The following NFIB variants were observed in gnomAD, a reference collection of about 807,000 sequenced individuals.
The protein encoded by NFIB is nuclear factor 1 B-type.
A neutral mutation model predicts 61.5 loss-of-function variants in NFIB; 11 were observed. The ratio of observed to expected loss-of-function variants is 0.18; its 90% CI spans 0.11 to 0.30. NFIB has a LOEUF of 0.30. Among genes scored for constraint, NFIB ranks in the 10% least tolerant of loss-of-function variants. The pLI is 1.00. For missense variants in NFIB, 471 were observed against 608.9 expected (o/e 0.77, Z 2.38); for synonymous variants, 260 against 216.5 (o/e 1.20, Z -1.76).
chr9:14,165,468 T>C (rs1206496017), intron 3 of NFIB, among the ~76,000 whole-genome samples: 2 of 152,200 alleles, frequency 1.3e-5, no homozygotes. Context: ...GTTTATTCCA[T>C]GAATGAGTGC....
At chr9:14,515,606 T>G in the NFIB span, among the ~76,000 whole-genome samples, 6 of 152,148 alleles carry the variant, frequency 3.9e-5, no homozygotes, top group Admixed American at 6.5e-5. Flanking sequence ...CCCAGGAATG[T>G]GAGTTTGTGA....
rs914781802 is a variant in NFIB at position 14,084,917 on chromosome 9, G to A, written c.*3392C>T. ...CTAGGCCTTTGTATTCAAGAGGCAG[G>A]CAGGAATACCCACAGTGTGTAACTT... is the stretch of plus-strand genomic sequence containing the variant. On this transcript the variant is annotated 3_prime_UTR_variant, in exon 11 of 11. Coordinates refer to ENST00000380953, the MANE Select transcript of NFIB (RefSeq NM_001190737.2). 7 of 230,596 alleles carry A rather than the reference G, an allele frequency of 3.0e-5. No individual in the cohort carries two copies. The highest frequency in any genetic ancestry group is 4.4e-5 in the African/African-American group (2 of 45,148). 14.3% of individuals were successfully genotyped at this position (230,596 alleles called of 1,614,324 possible).
At chr9:14,395,581 C>T (rs554917030) in intron 1 of NFIB, among the ~76,000 whole-genome samples, 6 of 152,060 alleles carry the variant, frequency 3.9e-5, no homozygotes, top group African/African-American at 9.6e-5. Context: ...AAATGTAAGC[C>T]GGCCCCGATC....
At chr9:14,222,726 C>T (rs374204537) in intron 2 of NFIB, among the ~76,000 whole-genome samples, 3 of 141,136 alleles carry the variant, frequency 2.1e-5, no homozygotes, top group African/African-American at 8.0e-5. Context: ...GCCCTGGGAA[C>T]TCAAGGCTAC....
At chr9:14,175,660 CA>C (rs1335915271) in intron 3 of NFIB, among the ~76,000 whole-genome samples, 1 of 152,132 alleles carries the variant, frequency 6.6e-6, no homozygotes, top group East Asian at 1.9e-4. Flanking sequence ...ACACTACATG[CA>C]TAAGTCAACA....
At chr9:14,256,873 C>G (rs2056267241) in intron 2 of NFIB, among the ~76,000 whole-genome samples, 1 of 152,180 alleles carries the variant, frequency 6.6e-6, no homozygotes, top group Admixed American at 6.5e-5. Context: ...GAAATAGAAC[C>G]AGGAACTGAG....
At chr9:14,111,215 A>G (rs2037316459) in intron 10 of NFIB, among the ~76,000 whole-genome samples, 1 of 152,142 alleles carries the variant, frequency 6.6e-6, no homozygotes, top group South Asian at 2.1e-4. Flanking sequence ...GATGCTTGCT[A>G]AGTTTTCTTG....
the NFIB span, among the ~76,000 whole-genome samples, chr9:14,473,936 G>C: frequency 4.4e-3 from 673 of 152,244 alleles, no homozygotes; most frequent in Non-Finnish European, 7.5e-3. Context: ...CTGTGGCACA[G>C]GCTTCAGTTC....
At chr9:14,218,726 G>C (rs1247710109) in intron 2 of NFIB, among the ~76,000 whole-genome samples, 1 of 152,212 alleles carries the variant, frequency 6.6e-6, no homozygotes, top group Non-Finnish European at 1.5e-5. Context: ...TTTTCCCCAG[G>C]AGCTGAAATT....
chr9:14,242,246 T>C (rs1476855786), intron 2 of NFIB, among the ~76,000 whole-genome samples: 2 of 152,230 alleles, frequency 1.3e-5, no homozygotes, highest in African/African-American at 4.8e-5. Flanking sequence ...TTCCCACATA[T>C]GGAAATATGC....
At chr9:14,306,946 G>A (rs562240389) in intron 2 of NFIB, 43 bp downstream of exon 2, 149 of 1,600,424 alleles carry the variant, frequency 9.3e-5, no homozygotes, top group Non-Finnish European at 1.2e-4. Flanking sequence ...GAGATTTGTA[G>A]GCGGTGTTTG....
At chr9:14,462,957 GT>G in the NFIB span, among the ~76,000 whole-genome samples, 8 of 152,182 alleles carry the variant, frequency 5.3e-5, no homozygotes, top group African/African-American at 1.9e-4. Context: ...TGGTTCCTGT[GT>G]GCTGAATATG....
the NFIB span, among the ~76,000 whole-genome samples, chr9:14,480,662 G>C: frequency 1.3e-5 from 2 of 152,136 alleles, no homozygotes; most frequent in Non-Finnish European, 2.9e-5. Flanking sequence ...GTTGAAACAA[G>C]TTCCACGCTG....
intron 10 of NFIB, among the ~76,000 whole-genome samples, chr9:14,107,173 T>A (rs1401660182): frequency 6.6e-6 from 1 of 152,072 alleles, no homozygotes; most frequent in Non-Finnish European, 1.5e-5. Context: ...GAGAATTTTA[T>A]TTTATTGCTA....
At chr9:14,494,734 C>T in the NFIB span, among the ~76,000 whole-genome samples, 2 of 152,284 alleles carry the variant, frequency 1.3e-5, no homozygotes, top group East Asian at 3.9e-4. Flanking sequence ...TTCTTCTAGG[C>T]ATAAAGACTT....
At chr9:14,234,303 C>T (rs913000550) in intron 2 of NFIB, among the ~76,000 whole-genome samples, 68 of 151,898 alleles carry the variant, frequency 4.5e-4, no homozygotes, top group African/African-American at 1.6e-3. Flanking sequence ...AGAGAAGCTA[C>T]CTCATGGTGT....
intron 2 of NFIB, among the ~76,000 whole-genome samples, chr9:14,218,702 T>C (rs1361436813): frequency 2.6e-5 from 4 of 152,204 alleles, no homozygotes; most frequent in Non-Finnish European, 5.9e-5. Context: ...GGGTTTGGCA[T>C]CTGAAATGTA....
chr9:14,097,192 A>G (rs2034927603), intron 10 of NFIB, among the ~76,000 whole-genome samples: 1 of 152,208 alleles, frequency 6.6e-6, no homozygotes. Context: ...CAAAGACAAA[A>G]GTAGTTAGCA....
the NFIB span, among the ~76,000 whole-genome samples, chr9:14,434,891 G>A: frequency 2.6e-5 from 4 of 152,312 alleles, no homozygotes; most frequent in South Asian, 6.2e-4. Flanking sequence ...CCTGGGAACA[G>A]CTGGAGCTAG....
Sources: gnomAD v4.1 joint callset for allele counts (sites outside exome capture counted in the v4.1 genomes callset) on GRCh38, gnomAD v4.1.1 for gene constraint, MANE v1.5 for transcripts, NCBI Gene and HGNC (gene_info 2026-07-23, HGNC 2026-07-21) for gene names.